Variants in OPCML observed in about 807,000 individuals in gnomAD.
OPCML encodes opioid-binding protein/cell adhesion molecule.
In OPCML, 13 loss-of-function variants were observed where a neutral mutation model predicts 37.8. That is an observed-to-expected ratio of 0.34 (90% CI 0.22 to 0.55). The LOEUF (loss-of-function observed/expected upper bound fraction) is 0.55. Among genes scored for constraint, OPCML ranks in the 20% least tolerant of loss-of-function variants. The pLI is 0.91. For missense variants in OPCML, 341 were observed against 435.6 expected (o/e 0.78, Z 1.93); for synonymous variants, 176 against 168.8 (o/e 1.04, Z -0.33).
intron 2 of OPCML, among the ~76,000 whole-genome samples, chr11:132,733,198 C>T (rs1466370528): frequency 6.6e-6 from 1 of 151,852 alleles, no homozygotes; most frequent in Non-Finnish European, 1.5e-5. Flanking sequence ...GAAGCCTTGG[C>T]TAAAGATTTC....
chr11:133,150,129 T>A (rs1247262656), intron 1 of OPCML, among the ~76,000 whole-genome samples: 1 of 152,238 alleles, frequency 6.6e-6, no homozygotes, highest in African/African-American at 2.4e-5. Flanking sequence ...AATAGTGGTC[T>A]TGGGAAACAT....
At chr11:132,484,409 C>T (rs1263923612) in intron 4 of OPCML, among the ~76,000 whole-genome samples, 1 of 152,180 alleles carries the variant, frequency 6.6e-6, no homozygotes, top group African/African-American at 2.4e-5. Context: ...ATTAAAAAGT[C>T]AGGAAACAAC....
chr11:132,607,182 T>TTGATGTTGC (rs1359978967), intron 3 of OPCML, among the ~76,000 whole-genome samples: 1 of 152,194 alleles, frequency 6.6e-6, no homozygotes, highest in African/African-American at 2.4e-5. Flanking sequence ...TTTTCTGTTG[T>TTGATGTTGC]TGTTGTTGCT....
At chr11:132,947,522 AT>A (rs941983292) in intron 1 of OPCML, among the ~76,000 whole-genome samples, 42 of 152,334 alleles carry the variant, frequency 2.8e-4, no homozygotes, top group African/African-American at 9.4e-4. Context: ...CAAAGGTCTC[AT>A]TTAATGTTAA....
chr11:132,745,239 C>T (rs1227449665), intron 2 of OPCML, among the ~76,000 whole-genome samples: 1 of 152,162 alleles, frequency 6.6e-6, no homozygotes, highest in African/African-American at 2.4e-5. Context: ...AGCATGCCAG[C>T]CGCTTCTTTC....
At chr11:132,709,532 G>A (rs958737891) in intron 2 of OPCML, among the ~76,000 whole-genome samples, 3 of 152,128 alleles carry the variant, frequency 2.0e-5, no homozygotes, top group Non-Finnish European at 2.9e-5. Flanking sequence ...CCTCCAATCT[G>A]TAGTAGTGTC....
intron 2 of OPCML, among the ~76,000 whole-genome samples, chr11:132,805,732 A>G (rs551546915): frequency 6.6e-6 from 1 of 152,330 alleles, no homozygotes; most frequent in East Asian, 1.9e-4. Context: ...GGCTTAGAAA[A>G]TTTGTTGACA....
In OPCML at chr11:133,283,953, C is replaced by G. The variant is rs369181468; in HGVS notation, c.61+248311G>C. Among the ~76,000 whole-genome samples, 46 of 152,280 alleles carry G rather than the reference C, an allele frequency of 3.0e-4. No individual in the cohort carries two copies. In the East Asian group the frequency reaches 3.7e-3, roughly 12 times the overall value. ...ACACTCTCCTGGATCGCTTCCCCCC[C>G]CAGTACCTAAAAGTCAAGCCCTAAA... On this transcript the variant is annotated intron_variant, in intron 1 of 7. Coordinates refer to ENST00000524381, the MANE Select transcript of OPCML (RefSeq NM_001012393.5).
chr11:133,273,199 G>A (rs933938232), intron 1 of OPCML, among the ~76,000 whole-genome samples: 2 of 152,140 alleles, frequency 1.3e-5, no homozygotes. Context: ...ATTCAAACCA[G>A]CACCTTCTCT....
intron 1 of OPCML, among the ~76,000 whole-genome samples, chr11:133,073,585 T>C (rs143425610): frequency 6.6e-6 from 1 of 152,190 alleles, no homozygotes; most frequent in East Asian, 1.9e-4. Flanking sequence ...TCCTTGGGGG[T>C]AAGAGTTACA....
At chr11:132,950,256 G>A (rs1482788049) in intron 1 of OPCML, among the ~76,000 whole-genome samples, 1 of 152,172 alleles carries the variant, frequency 6.6e-6, no homozygotes, top group Non-Finnish European at 1.5e-5. Flanking sequence ...GAAGCAGAGG[G>A]CAAGACAGGA....
At chr11:133,140,566 A>G (rs926949173) in intron 1 of OPCML, among the ~76,000 whole-genome samples, 10 of 147,806 alleles carry the variant, frequency 6.8e-5, no homozygotes, top group African/African-American at 2.5e-4. Flanking sequence ...AAGAAGAAGA[A>G]GAAGAAGAAG....
chr11:133,254,721 C>T (rs1941254479), intron 1 of OPCML, among the ~76,000 whole-genome samples: 1 of 152,160 alleles, frequency 6.6e-6, no homozygotes, highest in South Asian at 2.1e-4. Flanking sequence ...CAGCTTTAAA[C>T]TTGGGCAATT....
chr11:132,917,072 A>G (rs970536825), intron 2 of OPCML, among the ~76,000 whole-genome samples: 1 of 152,174 alleles, frequency 6.6e-6, no homozygotes, highest in Non-Finnish European at 1.5e-5. Flanking sequence ...CCAAGCTACC[A>G]TAACTAATCC....
intron 1 of OPCML, among the ~76,000 whole-genome samples, chr11:133,195,308 A>G (rs1592092752): frequency 1.3e-5 from 2 of 152,334 alleles, no homozygotes; most frequent in East Asian, 1.9e-4. Context: ...TGTATTGTGC[A>G]TGGCAGGTAG....
At chr11:132,546,702 C>T (rs6590640) in intron 3 of OPCML, among the ~76,000 whole-genome samples, 96,118 of 152,076 alleles carry the variant, frequency 0.63, 32,137 homozygotes, top group African/African-American at 0.84. Flanking sequence ...CGTACTTCAC[C>T]TTTTTGCATC....
At chr11:132,534,101 C>G (rs1341846962) in intron 3 of OPCML, among the ~76,000 whole-genome samples, 1 of 152,148 alleles carries the variant, frequency 6.6e-6, no homozygotes, top group African/African-American at 2.4e-5. Flanking sequence ...GCTCTATCCT[C>G]TCCCTGAAAT....
intron 1 of OPCML, among the ~76,000 whole-genome samples, chr11:133,048,145 A>T (rs975252580): frequency 2.0e-5 from 3 of 152,084 alleles, no homozygotes; most frequent in Non-Finnish European, 4.4e-5. Context: ...TAACTCCCCT[A>T]CTAATACTTA....
chr11:133,024,218 G>C (rs1207976150), intron 1 of OPCML: 4 of 305,560 alleles, frequency 1.3e-5, no homozygotes, highest in Non-Finnish European at 1.4e-5. Flanking sequence ...GGATTCATCA[G>C]ACCAACCTCA....
Sources: allele counts gnomAD v4.1 joint callset (sites outside exome capture counted in the v4.1 genomes callset), GRCh38; gene constraint gnomAD v4.1.1; transcripts MANE v1.5; gene names NCBI Gene and HGNC (gene_info 2026-07-23, HGNC 2026-07-21).